Variants in SLC15A5 observed in about 807,000 individuals in gnomAD.
The protein encoded by SLC15A5 is Peptide/histidine transporter ENSP00000340402.
SLC15A5 carries 58 observed loss-of-function variants against 56.1 expected under a neutral mutation model. The ratio of observed to expected loss-of-function variants is 1.03; its 90% CI spans 0.84 to 1.29. The LOEUF (loss-of-function observed/expected upper bound fraction) is 1.29, where lower values mean the gene tolerates loss of function less well. SLC15A5 is among the 50% of genes most tolerant of loss of function. The pLI, the probability that SLC15A5 is intolerant of heterozygous loss-of-function variation, is 0.00. For synonymous variants in SLC15A5, 264 were observed against 250.5 expected, an observed-to-expected ratio of 1.05 and a Z score of -0.51; for missense variants, 681 against 672.1, an observed-to-expected ratio of 1.01 and a Z score of -0.15.
rs1474892888 is a variant in SLC15A5, at chr12:16,237,061, C to G, written c.1162+2620G>C. Among the ~76,000 whole-genome samples, 1 of 152,118 alleles carries G rather than the reference C, an allele frequency of 6.6e-6. No homozygotes were observed. Among genetic ancestry groups the G allele is most frequent in the Non-Finnish European group, 1.5e-5 (1 of 68,018 alleles). ...TTCCTAAATTCAAATTAGGAACTCACAAATATATGTTCATTCATAATTCAT... is the reference window on the plus strand; with the variant it reads ...TTCCTAAATTCAAATTAGGAACTCAGAAATATATGTTCATTCATAATTCAT... On this transcript the variant is annotated intron_variant, in intron 5 of 8. Coordinates refer to ENST00000344941, the MANE Select transcript of SLC15A5 (RefSeq NM_001170798.1). The surrounding 1 kb of genome is among the most constrained non-coding windows in gnomAD (Gnocchi z 4.1).
At chr12:16,211,845 T>C (rs1028959111) in intron 7 of SLC15A5, among the ~76,000 whole-genome samples, 7 of 152,232 alleles carry the variant, frequency 4.6e-5, no homozygotes, top group Non-Finnish European at 8.8e-5. Context: ...AATGTCACTC[T>C]AACAGTTATC....
chr12:16,272,707 T>C lies in SLC15A5; in HGVS notation c.438A>G (p.Ile146Met). 1 of 1,537,286 alleles carries C rather than the reference T, an allele frequency of 6.5e-7. No individual in the cohort carries two copies. Among genetic ancestry groups the C allele is most frequent in the Admixed American group, 2.0e-5 (1 of 50,984 alleles). The change falls in exon 2 of 9, where the codon ATA (isoleucine) becomes ATG (methionine). Residue 146 changes from isoleucine to methionine, a missense_variant. By Grantham distance (10) the Ile-to-Met change is conservative (BLOSUM62 1). Transcript: ENST00000344941. ...ACAGCCTGTGCTGCTCTGTTTTTGG[T>C]ATGTTGTTAACTGCATGGTAAGTGC... ...YLGTYHAVNN[I>M]PKTEQHRLFY...
At chr12:16,226,284 G>A (rs1527012) in intron 5 of SLC15A5, among the ~76,000 whole-genome samples, 81,734 of 151,952 alleles carry the variant, frequency 0.54, 22,291 homozygotes, top group South Asian at 0.73. Flanking sequence ...AAAAAAGTCT[G>A]TACATGTTCA....
intron 3 of SLC15A5, among the ~76,000 whole-genome samples, chr12:16,250,897 C>A (rs1864512624): frequency 6.6e-6 from 1 of 151,482 alleles, no homozygotes; most frequent in South Asian, 2.1e-4. Flanking sequence ...AACATAAGCC[C>A]CAATGAAAGA....
intron 7 of SLC15A5, among the ~76,000 whole-genome samples, chr12:16,197,190 T>C (rs1206263020): frequency 6.6e-6 from 1 of 152,166 alleles, no homozygotes; most frequent in Non-Finnish European, 1.5e-5. Flanking sequence ...TTTTAGCATG[T>C]GGCTTTCTTT....
intron 3 of SLC15A5, among the ~76,000 whole-genome samples, chr12:16,252,974 A>G (rs1864533716): frequency 1.3e-5 from 2 of 152,100 alleles, no homozygotes; most frequent in Admixed American, 1.3e-4. Context: ...AGAGAGCCCA[A>G]AAATACACCT....
At chr12:16,255,816 G>C (rs1239509042) in intron 3 of SLC15A5, among the ~76,000 whole-genome samples, 1 of 151,928 alleles carries the variant, frequency 6.6e-6, no homozygotes, top group African/African-American at 2.4e-5. Context: ...AGAAAAGTGT[G>C]AATTATATGT....
rs1467257418 is a variant in SLC15A5, at chr12:16,277,606, T to G, written c.80A>C (p.His27Pro). 2.6e-6 allele frequency: 4 copies of G among 1,536,326 alleles called. No homozygotes were observed. The Admixed American group carries it at 7.9e-5, about 30-fold the overall frequency. The change falls in exon 1 of 9, where the codon CAT (histidine) becomes CCT (proline). Residue 27 changes from histidine to proline, a missense_variant. Physicochemically the swap from His to Pro is moderately conservative, Grantham distance 77 (BLOSUM62 -2). Coordinates refer to ENST00000344941, the MANE Select transcript of SLC15A5 (RefSeq NM_001170798.1). ...HSIEKEKTVR[H>P]IGDLCSSHSV... is the part of the protein sequence containing the mutation. ...GTGTGAGGAACACAAATCGCCAATA[T>G]GTCTTACAGTTTTCTCCTTCTCAAT...
At position 16,237,040 on chromosome 12, in the gene SLC15A5, T is replaced by C. The variant is rs1864358994; in HGVS notation, c.1162+2641A>G. 6.6e-6 allele frequency among the ~76,000 whole-genome samples: 1 copy of C among 152,204 alleles called. No individual in the cohort carries two copies. Among genetic ancestry groups the C allele is most frequent in the Non-Finnish European group, 1.5e-5 (1 of 68,020 alleles). On this transcript the variant is annotated intron_variant, in intron 5 of 8. Coordinates refer to ENST00000344941, the MANE Select transcript of SLC15A5 (RefSeq NM_001170798.1). The surrounding 1 kb of genome is among the most constrained non-coding windows in gnomAD (Gnocchi z 4.1). ...AATGTAATATGTGTATGAAGGTTCC[T>C]AAATTCAAATTAGGAACTCACAAAT... is the stretch of plus-strand genomic sequence containing the variant.
chr12:16,233,632 A>C (rs897358032), intron 5 of SLC15A5, among the ~76,000 whole-genome samples: 1 of 152,140 alleles, frequency 6.6e-6, no homozygotes, highest in African/African-American at 2.4e-5. Context: ...CCTAGAGAGA[A>C]ATTGTGGCAT....
intron 6 of SLC15A5, among the ~76,000 whole-genome samples, chr12:16,218,903 C>G (rs1305494794): frequency 6.6e-6 from 1 of 152,084 alleles, no homozygotes; most frequent in Non-Finnish European, 1.5e-5. Flanking sequence ...TCTGCATTTA[C>G]CAGAACTTTT....
Position 16,269,466 on chromosome 12 carries a change from T to A in SLC15A5, c.584+3095A>T, listed in dbSNP as rs1440801584. 6.6e-6 allele frequency among the ~76,000 whole-genome samples: 1 copy of A among 152,200 alleles called. No homozygotes were observed. Among genetic ancestry groups the A allele is most frequent in the Non-Finnish European group, 1.5e-5 (1 of 68,028 alleles). On this transcript the variant is annotated intron_variant, in intron 2 of 8. Coordinates refer to ENST00000344941, the MANE Select transcript of SLC15A5 (RefSeq NM_001170798.1). This position sits in a 1 kb window ranked among gnomAD's most constrained non-coding sequence, Gnocchi z 4.7. ...AAAAAGAATCCTCAGGTGGCTTTAA[T>A]ATGCACCTAGGATTGACAATCATTG...
chr12:16,218,842 G>C (rs1001630676), intron 6 of SLC15A5, among the ~76,000 whole-genome samples: 1 of 151,946 alleles, frequency 6.6e-6, no homozygotes, highest in Non-Finnish European at 1.5e-5. Context: ...ATTTACCCCT[G>C]GTTTTTTGTT....
chr12:16,245,178 A>G (rs909275500), intron 3 of SLC15A5, among the ~76,000 whole-genome samples: 13 of 152,216 alleles, frequency 8.5e-5, no homozygotes, highest in Non-Finnish European at 1.6e-4. Flanking sequence ...ACAAAGAACT[A>G]GTACTATTTT....
At position 16,277,350 on chromosome 12, in the gene SLC15A5, G is replaced by A. The variant is rs1671487; in HGVS notation, c.336C>T (p.Tyr112=). The A allele has an allele frequency of 1, 1,531,584 of 1,533,802 alleles. 764,703 individuals carry two copies. The highest frequency in any genetic ancestry group is 1 in the East Asian group (40,866 of 40,866). The part of the protein sequence containing the change: ...DVYLGRNKLV[Y]ICLFLHFLGT... Reference sequence around the variant, plus strand: ...CTAGAAAATGTAGAAACAAGCAAATGTACACCAGTTTGTTTCTTCCTAAAT... The same window carrying A: ...CTAGAAAATGTAGAAACAAGCAAATATACACCAGTTTGTTTCTTCCTAAAT... Residue 112 remains tyrosine, a synonymous_variant, in exon 1 of 9, where the codon TAC becomes TAT. Coordinates refer to ENST00000344941, the MANE Select transcript of SLC15A5 (RefSeq NM_001170798.1).
chr12:16,230,255 G>C (rs1296955779), intron 5 of SLC15A5, among the ~76,000 whole-genome samples: 3 of 152,174 alleles, frequency 2.0e-5, no homozygotes, highest in Non-Finnish European at 4.4e-5. Context: ...AACTTAGAGA[G>C]GCTAGTCACT....
rs142673261 is a variant in SLC15A5, at chr12:16,271,388, G to A, written c.584+1173C>T. On this transcript the variant is annotated intron_variant, in intron 2 of 8. Transcript: ENST00000344941. This position sits in a 1 kb window ranked among gnomAD's most constrained non-coding sequence, Gnocchi z 8.0. ...TTGCTAATTAAGGATTAAAACCTCC[G>A]AATAGAATAAAAAAGAAGGATTTTT... Among the ~76,000 whole-genome samples, 610 of 152,200 alleles carry A rather than the reference G, an allele frequency of 4.0e-3. 9 individuals carry two copies. Among genetic ancestry groups the A allele is most frequent in the African/African-American group, 0.013 (552 of 41,550 alleles).
At position 16,237,787 on chromosome 12, in the gene SLC15A5, C is replaced by T. The variant is rs983435038; in HGVS notation, c.1162+1894G>A. 3.9e-5 allele frequency among the ~76,000 whole-genome samples: 6 copies of T among 152,080 alleles called. No individual in the cohort carries two copies. Among genetic ancestry groups the T allele is most frequent in the Admixed American group, 6.5e-5 (1 of 15,280 alleles). ...GCTCAGATTGGGGTGTTTCATGACA[C>T]TGTACAAAACTGCTGAGATTTTTGG... On this transcript the variant is annotated intron_variant, in intron 5 of 8. Transcript: ENST00000344941. This position sits in a 1 kb window ranked among gnomAD's most constrained non-coding sequence, Gnocchi z 4.1.
chr12:16,248,528 G>A (rs1341686679), intron 3 of SLC15A5, among the ~76,000 whole-genome samples: 1 of 152,064 alleles, frequency 6.6e-6, no homozygotes, highest in Non-Finnish European at 1.5e-5. Flanking sequence ...GAGAGACCCA[G>A]TAAGTCAGCA....
Sources: allele counts gnomAD v4.1 joint callset (sites outside exome capture counted in the v4.1 genomes callset), GRCh38; gene constraint gnomAD v4.1.1; non-coding constraint Gnocchi (gnomAD v3.1); transcripts MANE v1.5; gene names NCBI Gene and HGNC (gene_info 2026-07-23, HGNC 2026-07-21).